Variants in UBE2O observed in about 807,000 individuals in gnomAD.
UBE2O encodes (E3-independent) E2 ubiquitin-conjugating enzyme.
In UBE2O, 15 loss-of-function variants were observed where a neutral mutation model predicts 125.8. That is an observed-to-expected ratio of 0.12 (90% confidence interval 0.08 to 0.18). The LOEUF (loss-of-function observed/expected upper bound fraction) is 0.18, where lower values mean the gene tolerates loss of function less well. UBE2O is among the 10% of genes least tolerant of loss of function. The pLI, the probability that UBE2O is intolerant of heterozygous loss-of-function variation, is 1.00. For missense variants in UBE2O, 1,280 were observed against 1,723.6 expected, an observed-to-expected ratio of 0.74 and a Z score of 4.56; for synonymous variants, 708 against 703.2, an observed-to-expected ratio of 1.01 and a Z score of -0.11.
rs370524048 is a variant in UBE2O, at chr17:76,409,189, C to T, written c.418-3617G>A. Among the ~76,000 whole-genome samples the T allele has an allele frequency of 6.6e-5, 10 of 152,086 alleles. No individual in the cohort carries two copies. In the East Asian group the frequency reaches 7.7e-4, roughly 12 times the overall value. On this transcript the variant is annotated intron_variant, in intron 1 of 17. Coordinates refer to ENST00000319380, the MANE Select transcript of UBE2O (RefSeq NM_022066.4). ...TTCACCATATTAGCCACGATGCTCT[C>T]GATCTCCTAACCTCGTGATCTGCCA... is the stretch of plus-strand genomic sequence containing the variant.
chr17:76,400,406 T>G lies in UBE2O; in HGVS notation c.1004+35A>C. The G allele has an allele frequency of 6.3e-7, 1 of 1,597,954 alleles. No homozygotes were observed. Among genetic ancestry groups the G allele is most frequent in the South Asian group, 1.1e-5 (1 of 89,594 alleles). On this transcript the variant is annotated intron_variant, in intron 7 of 17. Coordinates refer to ENST00000319380, the MANE Select transcript of UBE2O (RefSeq NM_022066.4). This position sits in a 1 kb window ranked among gnomAD's most constrained non-coding sequence, Gnocchi z 4.3. ...AGGGCCCAGAGCCCTGTCCCACGCG[T>G]GCCCCTGGGTTGCTGGCAGTAAGGG...
intron 1 of UBE2O, among the ~76,000 whole-genome samples, chr17:76,419,283 CAAA>C (rs35062714): frequency 9.3e-4 from 59 of 63,268 alleles, no homozygotes; most frequent in African/African-American, 2.3e-3. Context: ...GACCCTATCT[CAAA>C]AAAAAAAAAA....
At position 76,395,652 on chromosome 17, in the gene UBE2O, C is replaced by A. The variant is rs1033179713; in HGVS notation, c.2946+73G>T. ...AGTCAGCCCCGGAGGTTTGGGGACC[C>A]AAGGTTGGTGGCCTCTTGGGCACTG... On this transcript the variant is annotated intron_variant, in intron 15 of 17. Coordinates refer to ENST00000319380, the MANE Select transcript of UBE2O (RefSeq NM_022066.4). The surrounding 1 kb of genome is among the most constrained non-coding windows in gnomAD (Gnocchi z 5.0). 4.5e-6 allele frequency: 7 copies of A among 1,538,616 alleles called. No homozygotes were observed. The African/African-American group carries it at 8.3e-5, about 18-fold the overall frequency.
At chr17:76,408,463 C>T (rs971749058) in intron 1 of UBE2O, among the ~76,000 whole-genome samples, 7 of 152,280 alleles carry the variant, frequency 4.6e-5, no homozygotes, top group South Asian at 2.1e-4. Context: ...GGGACCTGAA[C>T]GCAGGCAGTT....
In UBE2O at chr17:76,404,126, C is replaced by T. The variant is rs989115325; in HGVS notation, c.588+1080G>A. 6.6e-6 allele frequency among the ~76,000 whole-genome samples: 1 copy of T among 152,198 alleles called. No homozygotes were observed. Among genetic ancestry groups the T allele is most frequent in the East Asian group, 1.9e-4 (1 of 5,202 alleles). On this transcript the variant is annotated intron_variant, in intron 3 of 17. Transcript: ENST00000319380. This position sits in a 1 kb window ranked among gnomAD's most constrained non-coding sequence, Gnocchi z 4.3. ...CCATTTAGCAACATCAGAGCAATGG[C>T]TGGCGCAGGGGGAACTGTGAATGGA...
In UBE2O at chr17:76,399,536, T is replaced by C; in HGVS notation, c.1541A>G (p.Lys514Arg). The C allele has an allele frequency of 6.2e-7, 1 of 1,614,178 alleles. No homozygotes were observed. Among genetic ancestry groups the C allele is most frequent in the Non-Finnish European group, 8.5e-7 (1 of 1,180,038 alleles). ...GTTCTTGATGGACAAGGGGATGCTC[T>C]TTTTGCGACTCGTGCCGCTGCCGCT... ...SQSGSGTSRK[K>R]SIPLSIKNLK... The change falls in exon 9 of 18, where the codon AAG (lysine) becomes AGG (arginine). Residue 514 changes from lysine to arginine, a missense_variant. By Grantham distance (26) the Lys-to-Arg change is conservative (BLOSUM62 2). This residue lies in a region of UBE2O where 145 missense variants were observed against 219.6 expected (regional missense o/e 0.66). Transcript: ENST00000319380. The surrounding 1 kb of genome is among the most constrained non-coding windows in gnomAD (Gnocchi z 6.9).
At position 76,399,770 on chromosome 17, in the gene UBE2O, G is replaced by C; in HGVS notation, c.1307C>G (p.Pro436Arg). The C allele has an allele frequency of 1.2e-6, 2 of 1,614,176 alleles. No homozygotes were observed. Among genetic ancestry groups the C allele is most frequent in the South Asian group, 1.1e-5 (1 of 91,086 alleles). ...CTCCACTGGACTGGCAGAGCCATCG[G>C]GCGTCTCCTCAGGGCTGGCAGACTC... ...EAESASPEET[P>R]DGSASPVEMQ... is the part of the protein sequence containing the mutation. Residue 436 changes from proline (P) to arginine (R), a missense_variant, in exon 9 of 18, where the codon CCC (proline) becomes CGC (arginine). Physicochemically the swap from Pro to Arg is moderately radical, Grantham distance 103. This residue lies in a region of UBE2O where 141 missense variants were observed against 141.3 expected (regional missense o/e 1.00). Transcript: ENST00000319380. The surrounding 1 kb of genome is among the most constrained non-coding windows in gnomAD (Gnocchi z 6.9).
chr17:76,428,374 G>T (rs1203812687), intron 1 of UBE2O, among the ~76,000 whole-genome samples: 1 of 151,924 alleles, frequency 6.6e-6, no homozygotes, highest in Non-Finnish European at 1.5e-5. Context: ...TCTCTTTATA[G>T]ACTTCCTAGA....
chr17:76,397,733 C>G, intron 13 of UBE2O, 66 bp downstream of exon 13: 3 of 1,504,648 alleles, frequency 2.0e-6, no homozygotes, highest in Non-Finnish European at 2.8e-6. Flanking sequence ...TGGCTACACG[C>G]CTGTGGCCCC....
Position 76,398,999 on chromosome 17 carries a change from T to G in UBE2O, c.1629-8A>C, listed in dbSNP as rs2072267030. The G allele has an allele frequency of 3.7e-6, 6 of 1,613,232 alleles. No homozygotes were observed. Among genetic ancestry groups the G allele is most frequent in the Non-Finnish European group, 5.1e-6 (6 of 1,179,752 alleles). ...ACCACCTCCACTGCCACCCTGCGGG[T>G]GCAGGCCAGTCAGCAGGCCATGCAA... On this transcript the variant is annotated splice_region_variant and splice_polypyrimidine_tract_variant and intron_variant, in intron 9 of 17. Coordinates refer to ENST00000319380, the MANE Select transcript of UBE2O (RefSeq NM_022066.4). The surrounding 1 kb of genome is among the most constrained non-coding windows in gnomAD (Gnocchi z 5.4).
In UBE2O at chr17:76,391,062, T is replaced by C. The variant is rs771101417; in HGVS notation, c.3760A>G (p.Ile1254Val). The C allele has an allele frequency of 3.8e-5, 62 of 1,613,968 alleles. No homozygotes were observed. The Admixed American group carries it at 9.7e-4, about 25-fold the overall frequency. ...FLPEKSGYPDIGFPLFPLSKG... is the reference protein window; with the variant it reads ...FLPEKSGYPDVGFPLFPLSKG... ...GAAAGTGGGAAGAGGGGGAAGCCGA[T>C]GTCAGGGTAGCCACTCTTCTCAGGT... Residue 1254 changes from isoleucine to valine, a missense_variant, in exon 18 of 18, where the codon ATC becomes GTC. By Grantham distance (29) the Ile-to-Val change is conservative. Coordinates refer to ENST00000319380, the MANE Select transcript of UBE2O (RefSeq NM_022066.4). The surrounding 1 kb of genome is among the most constrained non-coding windows in gnomAD (Gnocchi z 8.4).
intron 1 of UBE2O, among the ~76,000 whole-genome samples, chr17:76,443,217 T>TC (rs2073101452): frequency 2.0e-5 from 3 of 152,306 alleles, no homozygotes; most frequent in African/African-American, 4.8e-5. Context: ...TTTGGTATGG[T>TC]CAATATTTTT....
Position 76,453,111 on chromosome 17 carries a change from C to A in UBE2O, c.31G>T (p.Ala11Ser). 1.2e-6 allele frequency: 1 copy of A among 864,702 alleles called. No homozygotes were observed. The allele number at this position is 864,702 out of a possible 1,614,324, so 53.6% of individuals were successfully genotyped here. MADPAAPTPA[A>S]PAPAQAPAPA... ...GCCGGGGCCTGGGCTGGAGCGGGAG[C>A]TGCGGGCGTGGGGGCTGCGGGATCC... is the stretch of plus-strand genomic sequence containing the variant. Residue 11 changes from alanine (A) to serine (S), a missense_variant, in exon 1 of 18, where the codon GCT (alanine) becomes TCT (serine). By Grantham distance (99) the Ala-to-Ser change is moderately conservative. Coordinates refer to ENST00000319380, the MANE Select transcript of UBE2O (RefSeq NM_022066.4).
intron 1 of UBE2O, among the ~76,000 whole-genome samples, chr17:76,436,021 C>A (rs138619735): frequency 2.0e-5 from 3 of 152,162 alleles, no homozygotes; most frequent in Non-Finnish European, 4.4e-5. Context: ...CTGAGACGGG[C>A]GGATCACCTG....
Position 76,449,124 on chromosome 17 carries a change from C to T in UBE2O, c.417+3601G>A, listed in dbSNP as rs931030125. ...TGAAGGCAGCAGGGAAAGGACATGACTTGCTGCCCAGTCTCTTCATCTCTC... is the reference window on the plus strand; with the variant it reads ...TGAAGGCAGCAGGGAAAGGACATGATTTGCTGCCCAGTCTCTTCATCTCTC... On this transcript the variant is annotated intron_variant, in intron 1 of 17. Coordinates refer to ENST00000319380, the MANE Select transcript of UBE2O (RefSeq NM_022066.4). 2.6e-5 allele frequency among the ~76,000 whole-genome samples: 4 copies of T among 152,278 alleles called. No homozygotes were observed. In the East Asian group the frequency reaches 7.7e-4, roughly 29 times the overall value.
chr17:76,452,997 C>A lies in UBE2O; in HGVS notation c.145G>T (p.Asp49Tyr). Reference sequence around the variant, plus strand: ...TGCGAGCCGGCTTCTGGGCCGGAGTCCGAGGACGGCCCGGAGGCCGAGTCC... The same window carrying A: ...TGCGAGCCGGCTTCTGGGCCGGAGTACGAGGACGGCCCGGAGGCCGAGTCC... ...ASDSASGPSS[D>Y]SGPEAGSQRL... The change falls in exon 1 of 18, where the codon GAC becomes TAC. Residue 49 changes from aspartate (D) to tyrosine (Y), a missense_variant. Coordinates refer to ENST00000319380, the MANE Select transcript of UBE2O (RefSeq NM_022066.4). The surrounding 1 kb of genome is among the most constrained non-coding windows in gnomAD (Gnocchi z 4.4). 6.7e-7 allele frequency: 1 copy of A among 1,489,128 alleles called. No individual in the cohort carries two copies. The highest frequency in any genetic ancestry group is 8.9e-7 in the Non-Finnish European group (1 of 1,119,652). 92.2% of individuals were successfully genotyped at this position (1,489,128 alleles called of 1,614,324 possible). A position where few individuals can be genotyped will look rare whatever the true frequency, so the allele number is the denominator to read the frequency against.
At chr17:76,432,000 A>T (rs913966366) in intron 1 of UBE2O, among the ~76,000 whole-genome samples, 2 of 152,192 alleles carry the variant, frequency 1.3e-5, no homozygotes, top group Non-Finnish European at 2.9e-5. Context: ...GGCATGGATA[A>T]ATCCACACTT....
chr17:76,392,716 G>T (rs2072134242), intron 15 of UBE2O, among the ~76,000 whole-genome samples: 1 of 151,068 alleles, frequency 6.6e-6, no homozygotes, highest in African/African-American at 2.4e-5. Context: ...ACTTTGGGAG[G>T]CCGAGACGGG....
rs33950096 is a variant in UBE2O, at chr17:76,389,510, CAAAAAAA to C, written c.*1426_*1432del. The C allele has an allele frequency of 2.8e-5, 1 of 35,178 alleles. No individual in the cohort carries two copies. Among genetic ancestry groups the C allele is most frequent in the African/African-American group, 8.2e-5 (1 of 12,146 alleles). 2.2% of individuals were successfully genotyped at this position (35,178 alleles called of 1,614,324 possible). A position where few individuals can be genotyped will look rare whatever the true frequency, so the allele number is the denominator to read the frequency against. On this transcript the variant is annotated 3_prime_UTR_variant, in exon 18 of 18. Transcript: ENST00000319380. ...ACCTTGTCTTGCTAATGAGCCAACA[CAAAAAAA>C]AAAAAAAAAAAAAATGCAAGTAAAA...
Sources: gnomAD v4.1 joint callset for allele counts (sites outside exome capture counted in the v4.1 genomes callset) on GRCh38, gnomAD v4.1.1 for gene constraint, gnomAD v4.1.1 regional missense constraint, Gnocchi (gnomAD v3.1) non-coding constraint, MANE v1.5 for transcripts, NCBI Gene and HGNC (gene_info 2026-07-23, HGNC 2026-07-21) for gene names.